The following SUCO variants were observed in gnomAD, a reference collection of about 807,000 sequenced individuals.
SUCO encodes SUN domain-containing ossification factor.
In SUCO, 57 loss-of-function variants were observed where a neutral mutation model predicts 148.1. The ratio of observed to expected loss-of-function variants is 0.38; its 90% CI spans 0.31 to 0.48. The LOEUF (loss-of-function observed/expected upper bound fraction) is 0.48. Among genes scored for constraint, SUCO ranks in the 20% least tolerant of loss-of-function variants. SUCO has a pLI of 0.96. For synonymous variants in SUCO, 470 were observed against 502.7 expected (o/e 0.93, Z 0.87); for missense variants, 1,331 against 1,468.2 (o/e 0.91, Z 1.53).
intron 22 of SUCO, among the ~76,000 whole-genome samples, chr1:172,607,279 G>A (rs1657921276): frequency 1.3e-5 from 2 of 151,842 alleles, no homozygotes; most frequent in African/African-American, 4.8e-5. Context: ...TATTTGAGAG[G>A]GAATTTGTGT....
chr1:172,576,333 C>G (rs186587016), intron 11 of SUCO, among the ~76,000 whole-genome samples: 1 of 151,666 alleles, frequency 6.6e-6, no homozygotes, highest in East Asian at 1.9e-4. Flanking sequence ...ATCCTTTCTT[C>G]TTTAAATGTG....
Position 172,589,933 on chromosome 1 carries a change from T to A in SUCO, c.2825+7T>A, listed in dbSNP as rs756710002. ...TGGAGGAGCTTAGCCAAAGGTAAGC[T>A]TTATTATGAATTAGCACAGTCAGCT... On this transcript the variant is annotated splice_region_variant and intron_variant, in intron 18 of 23. Transcript: ENST00000263688. 1 of 1,514,052 alleles carries A rather than the reference T, an allele frequency of 6.6e-7. No individual in the cohort carries two copies. Among genetic ancestry groups the A allele is most frequent in the South Asian group, 1.3e-5 (1 of 75,316 alleles). 93.8% of individuals were successfully genotyped at this position (1,514,052 alleles called of 1,614,324 possible). A position where few individuals can be genotyped will look rare whatever the true frequency, so the allele number is the denominator to read the frequency against.
At chr1:172,606,468 A>T (rs2149273541) in intron 22 of SUCO, among the ~76,000 whole-genome samples, 1 of 151,896 alleles carries the variant, frequency 6.6e-6, no homozygotes, top group South Asian at 2.1e-4. Context: ...TCTTCTCCTT[A>T]ACAATACATA....
rs1308026202 is a variant in SUCO, at chr1:172,585,099, T to A, written c.1567+13T>A. Reference sequence around the variant, plus strand: ...GACCTGACAGAAGGTACCTAATCATTTTATGGGTCTTTTAAATAGCTGGTA... The same window carrying A: ...GACCTGACAGAAGGTACCTAATCATATTATGGGTCTTTTAAATAGCTGGTA... On this transcript the variant is annotated intron_variant, in intron 16 of 23. Transcript: ENST00000263688. The A allele has an allele frequency of 6.3e-7, 1 of 1,578,220 alleles. No individual in the cohort carries two copies. Among genetic ancestry groups the A allele is most frequent in the Non-Finnish European group, 8.6e-7 (1 of 1,157,138 alleles).
At chr1:172,535,840 A>C (rs1281113931) in intron 1 of SUCO, among the ~76,000 whole-genome samples, 2 of 152,182 alleles carry the variant, frequency 1.3e-5, no homozygotes, top group Admixed American at 1.3e-4. Context: ...AATTTTGTAG[A>C]TCTTGATTAT....
rs577351460 is a variant in SUCO at position 172,546,718 on chromosome 1, G to A, written c.63-4794G>A. On this transcript the variant is annotated intron_variant, in intron 1 of 23. Transcript: ENST00000263688. The stretch of plus-strand genomic sequence containing the variant: ...GACCCCAGGAGTTCGAGACTAGCCT[G>A]GGCAACATGGCAAAACCCCATCTCT... Among the ~76,000 whole-genome samples, 51 of 152,278 alleles carry A rather than the reference G, an allele frequency of 3.3e-4. No homozygotes were observed. In the South Asian group the frequency reaches 0.01, roughly 30 times the overall value.
chr1:172,568,943 C>T (rs1654749220), intron 6 of SUCO, 76 bp from the exon 7 acceptor site: 9 of 1,302,034 alleles, frequency 6.9e-6, no homozygotes, highest in South Asian at 4.6e-5. Flanking sequence ...TTGACAGAAA[C>T]ATTTGTATTT....
chr1:172,585,108 CT>C, intron 16 of SUCO, 22 bp downstream of exon 16: 1 of 1,543,518 alleles, frequency 6.5e-7, no homozygotes. Flanking sequence ...TTTTATGGGT[CT>C]TTTAAATAGC....
chr1:172,537,461 T>A (rs1415373301), intron 1 of SUCO, among the ~76,000 whole-genome samples: 1 of 152,156 alleles, frequency 6.6e-6, no homozygotes, highest in East Asian at 1.9e-4. Context: ...CATTATTAAA[T>A]TCTTTGCAGT....
chr1:172,591,036 A>G lies in SUCO; in HGVS notation c.2878A>G (p.Lys960Glu). The change falls in exon 19 of 24, where the codon AAA becomes GAA. Residue 960 changes from lysine to glutamate, a missense_variant. Coordinates refer to ENST00000263688, the MANE Select transcript of SUCO (RefSeq NM_014283.5). ...MQKAFNKTIV[K>E]LQNTSRIAEE... Reference sequence around the variant, plus strand: ...AAAGGCTTTCAATAAAACAATCGTGAAACTTCAGAATACTTCAAGAATAGC... The same window carrying G: ...AAAGGCTTTCAATAAAACAATCGTGGAACTTCAGAATACTTCAAGAATAGC... 6.2e-7 allele frequency: 1 copy of G among 1,612,550 alleles called. No individual in the cohort carries two copies. Among genetic ancestry groups the G allele is most frequent in the South Asian group, 1.1e-5 (1 of 90,838 alleles).
At chr1:172,560,870 G>A (rs1276045064) in intron 6 of SUCO, among the ~76,000 whole-genome samples, 2 of 152,232 alleles carry the variant, frequency 1.3e-5, no homozygotes, top group Non-Finnish European at 1.5e-5. Context: ...AGAAAAATGA[G>A]CTGAATTGGG....
intron 1 of SUCO, among the ~76,000 whole-genome samples, chr1:172,547,344 T>G (rs1652940789): frequency 6.6e-6 from 1 of 152,240 alleles, no homozygotes; most frequent in Non-Finnish European, 1.5e-5. Context: ...TAAAAACTAC[T>G]ATGGACATTC....
intron 6 of SUCO, chr1:172,568,351 C>T (rs1269467687): frequency 1.7e-5 from 11 of 664,550 alleles, no homozygotes; most frequent in Non-Finnish European, 1.8e-5. Context: ...ACTCTTTATA[C>T]TTAATAATAA....
intron 1 of SUCO, among the ~76,000 whole-genome samples, chr1:172,538,609 G>GAAAT (rs1234112556): frequency 1.2e-4 from 18 of 152,052 alleles, no homozygotes; most frequent in African/African-American, 4.1e-4. Context: ...AATAATATTT[G>GAAAT]AAATAAATAA....
chr1:172,558,718 C>T (rs369635725), intron 6 of SUCO, among the ~76,000 whole-genome samples: 1 of 152,166 alleles, frequency 6.6e-6, no homozygotes, highest in South Asian at 2.1e-4. Context: ...CTCAGTGATA[C>T]CAAATCACGC....
chr1:172,556,184 C>T (rs993990786), intron 4 of SUCO, among the ~76,000 whole-genome samples, 161 bp downstream of exon 4: 1 of 152,042 alleles, frequency 6.6e-6, no homozygotes, highest in Non-Finnish European at 1.5e-5. Flanking sequence ...TGTGTGCATG[C>T]GTTTGTGTGT....
intron 19 of SUCO, among the ~76,000 whole-genome samples, chr1:172,594,964 C>T (rs1001396100): frequency 2.0e-5 from 3 of 152,094 alleles, no homozygotes; most frequent in Non-Finnish European, 4.4e-5. Flanking sequence ...TCTGGGTGCT[C>T]CTGTATTGGG....
intron 4 of SUCO, chr1:172,556,646 G>A (rs1203732140): frequency 1.8e-5 from 18 of 984,856 alleles, no homozygotes; most frequent in Non-Finnish European, 2.2e-5. Flanking sequence ...AGAATGTAAG[G>A]GCCTGGGTTG....
chr1:172,585,506 G>A (rs1169790971), intron 16 of SUCO, among the ~76,000 whole-genome samples: 1 of 151,584 alleles, frequency 6.6e-6, no homozygotes, highest in Non-Finnish European at 1.5e-5. Context: ...TTGCCTTTTT[G>A]TTTTTTTAAA....
Sources: gnomAD v4.1 joint callset for allele counts (sites outside exome capture counted in the v4.1 genomes callset) on GRCh38, gnomAD v4.1.1 for gene constraint, MANE v1.5 for transcripts, NCBI Gene and HGNC (gene_info 2026-07-23, HGNC 2026-07-21) for gene names.